CNIH3: variants seen among roughly 807,000 people sequenced by gnomAD.
The protein encoded by CNIH3 is cornichon family AMPA receptor auxiliary protein 3.
Under a neutral mutation model 24.1 loss-of-function variants are expected in CNIH3, and 14 were observed. That is an observed-to-expected ratio of 0.58 (90% CI 0.38 to 0.91). The LOEUF (loss-of-function observed/expected upper bound fraction) is 0.91. Among genes scored for constraint, CNIH3 ranks in the 40% least tolerant of loss-of-function variants. The pLI, the probability that CNIH3 is intolerant of heterozygous loss-of-function variation, is 0.00. For missense variants in CNIH3, 178 were observed against 196.8 expected (o/e 0.90, Z 0.57); for synonymous variants, 68 against 73.8 (o/e 0.92, Z 0.40).
At position 224,602,943 on chromosome 1, in the gene CNIH3, G is replaced by A. The variant is rs527256790; in HGVS notation, n.402+36679G>A. ...TGAGACAGGTCTCAATAAATTTAGA[G>A]TTTATTTAGCCAAGGTTAAGGACAT... On this transcript the variant is annotated intron_variant and non_coding_transcript_variant, in intron 3 of 7. Coordinates refer to the CNIH3 transcript ENST00000478120. 1.3e-3 allele frequency among the ~76,000 whole-genome samples: 192 copies of A among 152,268 alleles called. 1 individual carries two copies. Among genetic ancestry groups the A allele is most frequent in the African/African-American group, 4.3e-3 (180 of 41,540 alleles).
chr1:224,655,645 C>G (rs568880759), intron 1 of CNIH3, among the ~76,000 whole-genome samples: 1 of 152,290 alleles, frequency 6.6e-6, no homozygotes, highest in East Asian at 1.9e-4. Flanking sequence ...TCCAACTTTC[C>G]AGACACCTAG....
upstream of CNIH3, chr1:224,616,082 C>G: frequency 6.5e-6 from 1 of 153,828 alleles, no homozygotes; most frequent in South Asian, 2.0e-4. Flanking sequence ...CACCTCCGCT[C>G]GGCCTCCAGC....
chr1:224,537,757 G>A (rs1679344050), downstream of CNIH3, among the ~76,000 whole-genome samples: 1 of 152,170 alleles, frequency 6.6e-6, no homozygotes, highest in South Asian at 2.1e-4. Context: ...AGCAGCAGCA[G>A]CAATTATAAG....
At chr1:224,591,624 T>C (rs959507894), downstream of CNIH3, among the ~76,000 whole-genome samples, 5 of 152,208 alleles carry the variant, frequency 3.3e-5, no homozygotes, top group African/African-American at 1.2e-4. Context: ...AGGTTTCAGA[T>C]ACTATGCCGT....
At chr1:224,656,446 C>A (rs1264475202) in intron 1 of CNIH3, among the ~76,000 whole-genome samples, 1 of 152,108 alleles carries the variant, frequency 6.6e-6, no homozygotes, top group African/African-American at 2.4e-5. Context: ...ATCCCACATG[C>A]GAAAAGCTAG....
At chr1:224,725,270 G>C (rs915482145) in intron 3 of CNIH3, among the ~76,000 whole-genome samples, 3 of 152,152 alleles carry the variant, frequency 2.0e-5, no homozygotes, top group African/African-American at 7.2e-5. Context: ...GTCTTCTTTT[G>C]CTGGAGGCTT....
At chr1:224,594,217 G>C (rs1428864758) in intron 3 of CNIH3, among the ~76,000 whole-genome samples, 4 of 152,164 alleles carry the variant, frequency 2.6e-5, no homozygotes, top group Non-Finnish European at 4.4e-5. Context: ...GTGACCCCTA[G>C]AGCCCAAGCC....
At chr1:224,515,857 G>A (rs1678358893), upstream of CNIH3, 1 of 152,218 alleles carries the variant, frequency 6.6e-6, no homozygotes, top group South Asian at 2.1e-4. Flanking sequence ...TGTGGTCACT[G>A]ATGAGTGGAC....
At chr1:224,514,989 C>T (rs948219723), upstream of CNIH3, among the ~76,000 whole-genome samples, 23 of 152,214 alleles carry the variant, frequency 1.5e-4, no homozygotes, top group Non-Finnish European at 2.6e-4. Context: ...TGAGATTTAG[C>T]TGGGTACCTG....
In CNIH3 at chr1:224,703,558, G is replaced by A. The variant is rs1000967102; in HGVS notation, c.198+18715G>A. On this transcript the variant is annotated intron_variant, in intron 3 of 5. Coordinates refer to ENST00000272133, the MANE Select transcript of CNIH3 (RefSeq NM_152495.2). This position sits in a 1 kb window ranked among gnomAD's most constrained non-coding sequence, Gnocchi z 4.2. ...CAGTGTTAGTTATCATGGTTAGGGCGCTGAGTTTCATCAGCCTGGCTGTGC... is the reference window on the plus strand; with the variant it reads ...CAGTGTTAGTTATCATGGTTAGGGCACTGAGTTTCATCAGCCTGGCTGTGC... Among the ~76,000 whole-genome samples, 3 of 152,186 alleles carry A rather than the reference G, an allele frequency of 2.0e-5. No individual in the cohort carries two copies. Among genetic ancestry groups the A allele is most frequent in the South Asian group, 4.2e-4 (2 of 4,814 alleles).
chr1:224,522,957 G>T (rs1170608682), intron 2 of CNIH3, among the ~76,000 whole-genome samples: 4 of 152,186 alleles, frequency 2.6e-5, no homozygotes, highest in Non-Finnish European at 5.9e-5. Context: ...GTGCTGGCTT[G>T]GTGCCATGGC....
At position 224,557,010 on chromosome 1, in the gene CNIH3, G is replaced by T. The variant is rs148097286; in HGVS notation, n.451-9189G>T. Among the ~76,000 whole-genome samples the T allele has an allele frequency of 7.9e-3, 1,203 of 152,250 alleles. 3 individuals are homozygous for T. The highest frequency in any genetic ancestry group is 0.024 in the Middle Eastern group (7 of 294). On this transcript the variant is annotated intron_variant and non_coding_transcript_variant, in intron 3 of 5. Coordinates refer to the CNIH3 transcript ENST00000471578. ...TGGTGAAGGACCCATTCTCAAACAG[G>T]CTTGAAGAGAGAGGGAAGCACTCTG...
At chr1:224,673,377 T>G (rs1168331511) in intron 1 of CNIH3, among the ~76,000 whole-genome samples, 1 of 152,110 alleles carries the variant, frequency 6.6e-6, no homozygotes, top group African/African-American at 2.4e-5. Context: ...AGCCTTGACC[T>G]CCCCTCCCCC....
intron 1 of CNIH3, among the ~76,000 whole-genome samples, chr1:224,667,795 A>G (rs1278643078): frequency 6.6e-6 from 1 of 151,554 alleles, no homozygotes; most frequent in Non-Finnish European, 1.5e-5. Flanking sequence ...ACTCCTAGGT[A>G]TAAATCACAA....
intron 1 of CNIH3, among the ~76,000 whole-genome samples, chr1:224,484,490 G>A (rs977167299): frequency 2.6e-5 from 4 of 151,986 alleles, no homozygotes; most frequent in African/African-American, 9.7e-5. Context: ...TATGATATGT[G>A]TTGGTGTTGT....
intron 3 of CNIH3, among the ~76,000 whole-genome samples, chr1:224,721,316 T>A (rs1688712125): frequency 6.6e-6 from 1 of 151,958 alleles, no homozygotes; most frequent in African/African-American, 2.4e-5. Context: ...GAGAGGTGAG[T>A]GCCTCTCCTC....
At position 224,739,325 on chromosome 1, in the gene CNIH3, T is replaced by TGCGAC; in HGVS notation, c.456-4_456-3insGCGAC. On this transcript the variant is annotated splice_polypyrimidine_tract_variant and splice_region_variant and intron_variant, in intron 5 of 5. Transcript: ENST00000272133. Reference sequence around the variant, plus strand: ...TTTTTTTTTTTTTTTTTTTTTGCATTCAGCATGATCTACACTTTAGTGAGC... The same window carrying TGCGAC: ...TTTTTTTTTTTTTTTTTTTTTGCATTGCGACCAGCATGATCTACACTTTAGTGAGC... The TGCGAC allele has an allele frequency of 9.6e-7, 1 of 1,043,734 alleles. No individual in the cohort carries two copies. Among genetic ancestry groups the TGCGAC allele is most frequent in the Non-Finnish European group, 1.4e-6 (1 of 732,054 alleles). 64.7% of individuals were successfully genotyped at this position (1,043,734 alleles called of 1,614,324 possible).
upstream of CNIH3, chr1:224,515,657 AG>A (rs1678350662): frequency 6.6e-6 from 1 of 152,152 alleles, no homozygotes; most frequent in Non-Finnish European, 1.5e-5. Context: ...TTTTGAAAAA[AG>A]CTTAAGCCTC....
rs189972983 is a variant in CNIH3 at position 224,504,639 on chromosome 1, C to T, written n.204-11102C>T. ...TCATGTGTCACTAGTCCAACCCCACCTTAATCTTTTTCTGGGTTCTCCTGT... is the reference window on the plus strand; with the variant it reads ...TCATGTGTCACTAGTCCAACCCCACTTTAATCTTTTTCTGGGTTCTCCTGT... On this transcript the variant is annotated intron_variant and non_coding_transcript_variant, in intron 1 of 5. Transcript: ENST00000471578. 9.9e-5 allele frequency among the ~76,000 whole-genome samples: 15 copies of T among 152,226 alleles called. No homozygotes were observed. The South Asian group carries it at 3.1e-3, about 32-fold the overall frequency.
Sources: gnomAD v4.1 joint callset for allele counts (sites outside exome capture counted in the v4.1 genomes callset) on GRCh38, gnomAD v4.1.1 for gene constraint, Gnocchi (gnomAD v3.1) non-coding constraint, MANE v1.5 for transcripts, NCBI Gene and HGNC (gene_info 2026-07-23, HGNC 2026-07-21) for gene names.